ITPK1: variants seen among roughly 807,000 people sequenced by gnomAD.
The protein encoded by ITPK1 is inositol 1,3,4-trisphosphate 5/6-kinase.
In ITPK1, 21 loss-of-function variants were observed where a neutral mutation model predicts 45.3. The observed-to-expected ratio is 0.46, with a 90% CI of 0.33 to 0.67. The LOEUF (loss-of-function observed/expected upper bound fraction) is 0.67. Among genes scored for constraint, ITPK1 ranks in the 30% least tolerant of loss-of-function variants. ITPK1 has a pLI of 0.02. For synonymous variants in ITPK1, 258 were observed against 253.6 expected, an observed-to-expected ratio of 1.02 and a Z score of -0.16; for missense variants, 474 against 573.5, an observed-to-expected ratio of 0.83 and a Z score of 1.77.
intron 5 of ITPK1, among the ~76,000 whole-genome samples, chr14:92,974,851 AG>A: frequency 6.6e-6 from 1 of 152,294 alleles, no homozygotes; most frequent in Non-Finnish European, 1.5e-5. Context: ...CGGTTCACTG[AG>A]GAAAGGAAGG....
chr14:93,098,204 C>T (rs555604448), intron 2 of ITPK1, among the ~76,000 whole-genome samples: 1 of 152,210 alleles, frequency 6.6e-6, no homozygotes, highest in African/African-American at 2.4e-5. Flanking sequence ...TGCCTGTAAT[C>T]CCAGCACTTT....
At chr14:93,096,658 A>C (rs1892093812) in intron 2 of ITPK1, among the ~76,000 whole-genome samples, 1 of 152,242 alleles carries the variant, frequency 6.6e-6, no homozygotes, top group Non-Finnish European at 1.5e-5. Context: ...CGCAGGAGCT[A>C]GTCCTGGCTG....
At chr14:92,980,171 A>G (rs1423741161) in intron 5 of ITPK1, among the ~76,000 whole-genome samples, 1 of 152,202 alleles carries the variant, frequency 6.6e-6, no homozygotes, top group African/African-American at 2.4e-5. Context: ...CAGAACACAC[A>G]GCTTCGATGC....
At chr14:93,021,228 G>C (rs1238930978) in intron 3 of ITPK1, among the ~76,000 whole-genome samples, 1 of 151,882 alleles carries the variant, frequency 6.6e-6, no homozygotes, top group Non-Finnish European at 1.5e-5. Context: ...AAGTTCAAAG[G>C]CCTTGCCAAG....
intron 2 of ITPK1, among the ~76,000 whole-genome samples, chr14:93,106,403 C>A (rs766381510): frequency 1.3e-5 from 2 of 152,210 alleles, no homozygotes; most frequent in Admixed American, 6.5e-5. Flanking sequence ...TCAGTTCTGC[C>A]CAGAGCTGCC....
chr14:92,941,648 G>C lies in ITPK1; in HGVS notation c.1158C>G (p.His386Gln). 6.5e-7 allele frequency: 1 copy of C among 1,540,700 alleles called. No individual in the cohort carries two copies. Among genetic ancestry groups the C allele is most frequent in the Non-Finnish European group, 8.7e-7 (1 of 1,145,234 alleles). Reference protein sequence around the residue: ...ADAGGTAKLPHQRLGCNAGVS... With the variant: ...ADAGGTAKLPQQRLGCNAGVS... ...CGCCGGCGTTGCAGCCGAGTCTCTG[G>C]TGCGGCAGCTTGGCGGTGCCGCCCG... is the stretch of plus-strand genomic sequence containing the variant. Residue 386 changes from histidine to glutamine, a missense_variant, in exon 11 of 11, where the codon CAC (histidine) becomes CAG (glutamine). Physicochemically the swap from His to Gln is conservative, Grantham distance 24. This residue lies in a region of ITPK1 where 107 missense variants were observed against 92.9 expected (regional missense o/e 1.15). Coordinates refer to ENST00000267615, the MANE Select transcript of ITPK1 (RefSeq NM_014216.6).
chr14:92,951,596 G>A (rs1887955552), intron 9 of ITPK1, among the ~76,000 whole-genome samples: 1 of 152,158 alleles, frequency 6.6e-6, no homozygotes, highest in African/African-American at 2.4e-5. Flanking sequence ...TTGAAAATCA[G>A]GAACAAGGCA....
chr14:92,958,348 G>C lies in ITPK1; in HGVS notation c.523C>G (p.Gln175Glu). Residue 175 changes from glutamine (Q) to glutamate (E), a missense_variant, in exon 8 of 11, where the codon CAG (glutamine) becomes GAG (glutamate). Gln to Glu is a conservative substitution (Grantham distance 29). This residue lies in a region of ITPK1 where 367 missense variants were observed against 480.6 expected (regional missense o/e 0.76). Coordinates refer to ENST00000267615, the MANE Select transcript of ITPK1 (RefSeq NM_014216.6). This position sits in a 1 kb window ranked among gnomAD's most constrained non-coding sequence, Gnocchi z 4.4. ...NSHEMAIVFN[Q>E]EGLNAIQPPC... The stretch of plus-strand genomic sequence containing the variant: ...GGCTGGATGGCGTTCAGGCCCTCCT[G>C]GTTGAACACGATAGCCATCTGGGAA... The C allele has an allele frequency of 1.2e-6, 2 of 1,614,140 alleles. No individual in the cohort carries two copies. Among genetic ancestry groups the C allele is most frequent in the Non-Finnish European group, 1.7e-6 (2 of 1,180,018 alleles).
chr14:92,970,245 C>T (rs1474884380), intron 5 of ITPK1, among the ~76,000 whole-genome samples: 1 of 152,224 alleles, frequency 6.6e-6, no homozygotes, highest in African/African-American at 2.4e-5. Flanking sequence ...CTGGGGCAAA[C>T]TTCCACTAGC....
intron 3 of ITPK1, among the ~76,000 whole-genome samples, chr14:93,035,634 T>C (rs2139899777): frequency 6.6e-6 from 1 of 152,322 alleles, no homozygotes; most frequent in Admixed American, 6.5e-5. Flanking sequence ...GAAACCTGTC[T>C]GGCTGCTGTG....
intron 2 of ITPK1, among the ~76,000 whole-genome samples, chr14:93,079,251 A>G (rs941061165): frequency 6.6e-6 from 1 of 152,240 alleles, no homozygotes; most frequent in African/African-American, 2.4e-5. Context: ...CAGGAGCCAC[A>G]GCAGTTCCTC....
intron 5 of ITPK1, among the ~76,000 whole-genome samples, chr14:92,983,467 T>G (rs1236431713): frequency 6.6e-6 from 1 of 152,166 alleles, no homozygotes. Context: ...TGGGACAATT[T>G]TCTTCATACA....
intron 5 of ITPK1, among the ~76,000 whole-genome samples, chr14:92,978,827 T>C (rs1595105276): frequency 6.6e-6 from 1 of 152,152 alleles, no homozygotes; most frequent in Non-Finnish European, 1.5e-5. Context: ...GGAGCCCTCA[T>C]GGAAAACCTC....
intron 2 of ITPK1, among the ~76,000 whole-genome samples, chr14:93,084,209 G>A (rs569733751): frequency 2.0e-5 from 3 of 152,264 alleles, no homozygotes; most frequent in Non-Finnish European, 2.9e-5. Flanking sequence ...CGCGGGCTGA[G>A]TGGCGACGAA....
At chr14:93,000,397 T>C (rs1026915789) in intron 4 of ITPK1, among the ~76,000 whole-genome samples, 3 of 152,314 alleles carry the variant, frequency 2.0e-5, no homozygotes, top group Admixed American at 2.0e-4. Flanking sequence ...CACAAAATAT[T>C]GCATTTGATT....
intron 2 of ITPK1, among the ~76,000 whole-genome samples, chr14:93,081,003 C>A (rs1482076699): frequency 6.6e-6 from 1 of 151,558 alleles, no homozygotes; most frequent in Non-Finnish European, 1.5e-5. Context: ...AGCCACTGCA[C>A]CCAGCCTACA....
chr14:93,107,611 T>C (rs1187987707), intron 2 of ITPK1, among the ~76,000 whole-genome samples: 1 of 151,208 alleles, frequency 6.6e-6, no homozygotes, highest in Non-Finnish European at 1.5e-5. Context: ...ATTAACAGGG[T>C]GGGGCACCCA....
At chr14:93,110,874 A>G (rs1178506671) in intron 2 of ITPK1, among the ~76,000 whole-genome samples, 1 of 152,156 alleles carries the variant, frequency 6.6e-6, no homozygotes, top group Non-Finnish European at 1.5e-5. Context: ...GCAAATAAAC[A>G]AGGGAAGCCA....
chr14:92,968,834 G>C (rs1438014791), intron 5 of ITPK1, among the ~76,000 whole-genome samples: 1 of 152,222 alleles, frequency 6.6e-6, no homozygotes, highest in Non-Finnish European at 1.5e-5. Flanking sequence ...CTGGCGTGGG[G>C]TGGGGACTCA....
Sources: allele counts gnomAD v4.1 joint callset (sites outside exome capture counted in the v4.1 genomes callset), GRCh38; gene constraint gnomAD v4.1.1; regional missense constraint gnomAD v4.1.1; non-coding constraint Gnocchi (gnomAD v3.1); transcripts MANE v1.5; gene names NCBI Gene and HGNC (gene_info 2026-07-23, HGNC 2026-07-21).